The following HEATR5B variants were observed in gnomAD, a reference collection of about 807,000 sequenced individuals.
The protein encoded by HEATR5B is HEAT repeat containing 5B.
In HEATR5B, 156 loss-of-function variants were observed where a neutral mutation model predicts 224.1. That is an observed-to-expected ratio of 0.70 (90% CI 0.61 to 0.80). HEATR5B has a LOEUF of 0.80. Ranked by LOEUF, HEATR5B falls within the 30% of genes least tolerant of loss-of-function variation. The pLI, the probability that HEATR5B is intolerant of heterozygous loss-of-function variation, is 0.00. For synonymous variants in HEATR5B, 1,027 were observed against 893.0 expected, an observed-to-expected ratio of 1.15 and a Z score of -2.68; for missense variants, 2,323 against 2,535.5, an observed-to-expected ratio of 0.92 and a Z score of 1.80.
intron 34 of HEATR5B, among the ~76,000 whole-genome samples, chr2:36,989,899 CTTTT>C (rs766148486): frequency 4.5e-5 from 4 of 88,910 alleles, no homozygotes; most frequent in African/African-American, 9.5e-5. Flanking sequence ...AGAATGTTTC[CTTTT>C]TTTTTTTTTT....
At chr2:37,038,715 C>T (rs938590891) in intron 20 of HEATR5B, among the ~76,000 whole-genome samples, 4 of 151,936 alleles carry the variant, frequency 2.6e-5, no homozygotes, top group African/African-American at 7.3e-5. Context: ...GAGGCCTAGG[C>T]GGACGAATCA....
intron 33 of HEATR5B, among the ~76,000 whole-genome samples, chr2:36,996,954 C>T (rs1399131824): frequency 7.1e-6 from 1 of 141,108 alleles, no homozygotes; most frequent in Non-Finnish European, 1.5e-5. Context: ...AACTCCTGAC[C>T]TCAAGTGATC....
chr2:37,042,231 T>C (rs1217614450), intron 18 of HEATR5B, among the ~76,000 whole-genome samples: 1 of 152,172 alleles, frequency 6.6e-6, no homozygotes, highest in Non-Finnish European at 1.5e-5. Context: ...CACCACATAA[T>C]CATTAGAACA....
intron 27 of HEATR5B, among the ~76,000 whole-genome samples, chr2:37,010,909 CAA>C (rs747187290): frequency 5.0e-5 from 6 of 120,286 alleles, no homozygotes; most frequent in African/African-American, 3.1e-5. Context: ...GGACTGGAAG[CAA>C]AAAAAAAAAA....
intron 19 of HEATR5B, 28 bp downstream of exon 19, chr2:37,041,105 T>C: frequency 1.3e-6 from 2 of 1,577,900 alleles, no homozygotes; most frequent in Non-Finnish European, 1.7e-6. Flanking sequence ...TCTAAACTTT[T>C]GTAATAAAAA....
rs1376072359 is a variant in HEATR5B at position 37,019,821 on chromosome 2, C to G, written c.4092G>C (p.Ala1364=). 3 of 1,607,806 alleles carry G rather than the reference C, an allele frequency of 1.9e-6. No homozygotes were observed. The African/African-American group carries it at 4.0e-5, about 22-fold the overall frequency. Residue 1364 remains alanine, a synonymous_variant, in exon 26 of 36, where the codon GCG becomes GCC. Transcript: ENST00000233099. ...TTTTTCTTCTTACCTGGCAAGCTTT[C>G]GCTATTATATCTGATGGTGTATCTT... is the stretch of plus-strand genomic sequence containing the variant. ...FSQDTPSDII[A]KACQVCSTWI... is the part of the protein sequence containing the mutation.
Position 37,000,810 on chromosome 2 carries a change from C to T in HEATR5B, c.5321G>A (p.Cys1774Tyr). 2 of 1,603,372 alleles carry T rather than the reference C, an allele frequency of 1.2e-6. No individual in the cohort carries two copies. The highest frequency in any genetic ancestry group is 1.1e-5 in the South Asian group (1 of 90,866). ...DLPSLCSPAG[C>Y]MTILPTILFL... Reference sequence around the variant, plus strand: ...CAGAATTGTGGGCAGGATTGTCATACATCCTGAAAGAAAAACAAATCAGAT... The same window carrying T: ...CAGAATTGTGGGCAGGATTGTCATATATCCTGAAAGAAAAACAAATCAGAT... Residue 1774 changes from cysteine (C) to tyrosine (Y), a missense_variant, in exon 33 of 36, where the codon TGT becomes TAT. Around this residue, in one of 12 missense-constraint regions of HEATR5B, gnomAD observed 844 missense variants for 812.9 expected, o/e 1.04. Transcript: ENST00000233099.
intron 21 of HEATR5B, among the ~76,000 whole-genome samples, chr2:37,034,612 CAAAAAAAAAAAAA>C (rs772823865): frequency 6.5e-5 from 2 of 30,572 alleles, no homozygotes; most frequent in Admixed American, 9.3e-4. Flanking sequence ...GACTCTGTCT[CAAAAAAAAAAAAA>C]AAAAAAAAAA....
chr2:37,045,029 T>C (rs2148509532), intron 18 of HEATR5B, among the ~76,000 whole-genome samples: 1 of 152,340 alleles, frequency 6.6e-6, no homozygotes, highest in South Asian at 2.1e-4. Flanking sequence ...ATCCAGTGCA[T>C]TTTTTCATTT....
chr2:37,027,855 T>C, intron 24 of HEATR5B, 68 bp downstream of exon 24: 2 of 1,505,684 alleles, frequency 1.3e-6, no homozygotes, highest in Non-Finnish European at 1.8e-6. Context: ...CAGTAAAATA[T>C]CTCATAGCAG....
intron 33 of HEATR5B, among the ~76,000 whole-genome samples, chr2:36,994,539 G>C (rs1270648989): frequency 6.6e-6 from 1 of 152,088 alleles, no homozygotes; most frequent in Non-Finnish European, 1.5e-5. Context: ...CTGTGGCTTT[G>C]ATCCCTACTT....
rs940540058 is a variant in HEATR5B, at chr2:37,001,286, A to C, written c.5318-473T>G. Among the ~76,000 whole-genome samples the C allele has an allele frequency of 4.7e-4, 72 of 152,278 alleles. 1 individual carries two copies. Among genetic ancestry groups the C allele is most frequent in the African/African-American group, 1.6e-3 (66 of 41,550 alleles). ...ACTGGGGCAAGGAAAGAAGAAATGA[A>C]ATAATCCTAGAATTTGTAACTGAAA... On this transcript the variant is annotated intron_variant, in intron 32 of 35. Transcript: ENST00000233099.
chr2:37,007,401 T>C (rs1667499633), intron 28 of HEATR5B, 97 bp from the exon 29 acceptor site: 3 of 1,327,034 alleles, frequency 2.3e-6, no homozygotes, highest in South Asian at 3.1e-5. Context: ...TGGAGTGCAA[T>C]GGTGCGATCT....
chr2:37,069,368 T>C (rs1380219527), intron 7 of HEATR5B, among the ~76,000 whole-genome samples: 1 of 152,226 alleles, frequency 6.6e-6, no homozygotes, highest in African/African-American at 2.4e-5. Flanking sequence ...GTTATGATTT[T>C]GACTAAAATC....
chr2:37,079,348 T>G lies in HEATR5B; in HGVS notation c.127-17A>C, dbSNP rs1672416624. ...TACATCGGTCTGTTACAAAAAAAAT[T>G]TTTAAAAGAACATCATTAAAAATTT... On this transcript the variant is annotated splice_polypyrimidine_tract_variant and intron_variant, in intron 2 of 35. Transcript: ENST00000233099. 6.7e-7 allele frequency: 1 copy of G among 1,500,598 alleles called. No homozygotes were observed. Among genetic ancestry groups the G allele is most frequent in the South Asian group, 1.2e-5 (1 of 80,494 alleles). 93.0% of individuals were successfully genotyped at this position (1,500,598 alleles called of 1,614,324 possible). A position where few individuals can be genotyped will look rare whatever the true frequency, so the allele number is the denominator to read the frequency against.
intron 33 of HEATR5B, among the ~76,000 whole-genome samples, chr2:36,998,028 T>C (rs1427253802): frequency 6.6e-6 from 1 of 152,242 alleles, no homozygotes; most frequent in Admixed American, 6.5e-5. Flanking sequence ...TTTTATCATA[T>C]ATTATATTTT....
intron 35 of HEATR5B, among the ~76,000 whole-genome samples, chr2:36,986,751 G>C (rs965611527): frequency 7.2e-5 from 11 of 152,080 alleles, no homozygotes; most frequent in African/African-American, 2.7e-4. Context: ...CGAGTAGCTG[G>C]GATTACAGGC....
At chr2:37,049,609 T>A (rs769771686) in intron 18 of HEATR5B, 44 bp downstream of exon 18, 2 of 1,492,352 alleles carry the variant, frequency 1.3e-6, no homozygotes, top group Non-Finnish European at 9.3e-7. Context: ...TTAAAAGACA[T>A]CTTTGCCTAC....
intron 27 of HEATR5B, among the ~76,000 whole-genome samples, chr2:37,011,774 T>C (rs921631740): frequency 3.3e-5 from 5 of 152,204 alleles, no homozygotes; most frequent in Non-Finnish European, 5.9e-5. Context: ...GAAATACAGC[T>C]TTCGAAGACA....
Sources: gnomAD v4.1 joint callset for allele counts (sites outside exome capture counted in the v4.1 genomes callset) on GRCh38, gnomAD v4.1.1 for gene constraint, gnomAD v4.1.1 regional missense constraint, MANE v1.5 for transcripts, NCBI Gene and HGNC (gene_info 2026-07-23, HGNC 2026-07-21) for gene names.